The following RNF32 variants were observed in gnomAD, a reference collection of about 807,000 sequenced individuals.
RNF32 encodes ring finger protein 32.
Under a neutral mutation model 41.0 loss-of-function variants are expected in RNF32, and 36 were observed. The ratio of observed to expected loss-of-function variants is 0.88; its 90% CI spans 0.67 to 1.16. The LOEUF is 1.16. Ranked by LOEUF, RNF32 falls within the 50% of genes most tolerant of loss-of-function variation. The pLI is 0.00. For synonymous variants in RNF32, 154 were observed against 160.9 expected (o/e 0.96, Z 0.32); for missense variants, 413 against 436.7 (o/e 0.95, Z 0.48).
chr7:156,676,011 G>C, intron 8 of RNF32, 148 bp downstream of exon 8: 1 of 876,968 alleles, frequency 1.1e-6, no homozygotes, highest in East Asian at 2.6e-5. Context: ...CTGTGGGGGT[G>C]GCATGTCGGG....
chr7:156,648,807 A>G (rs982682889), intron 3 of RNF32, among the ~76,000 whole-genome samples: 2 of 152,196 alleles, frequency 1.3e-5, no homozygotes, highest in East Asian at 1.9e-4. Flanking sequence ...AATTATATCT[A>G]TTGTTTTATA....
chr7:156,659,334 GA>G (rs1294128689), intron 7 of RNF32: 27 of 988,354 alleles, frequency 2.7e-5, no homozygotes, highest in Non-Finnish European at 3.1e-5. Flanking sequence ...ATATGGAGAT[GA>G]GTTACTGTGT....
Position 156,675,860 on chromosome 7 carries a change from G to A in RNF32, c.849G>A (p.Val283=). ...ITEEEWEKIQ[V]QALRRETHEC... is the part of the protein sequence containing the mutation. Reference sequence around the variant, plus strand: ...AAGAGGAATGGGAGAAAATCCAAGTGCAGGTAGGTTTGGCTGGCAGCCTGG... The same window carrying A: ...AAGAGGAATGGGAGAAAATCCAAGTACAGGTAGGTTTGGCTGGCAGCCTGG... The change falls in exon 8 of 9, where the codon GTG becomes GTA. Residue 283 remains valine (V), a synonymous_variant. Coordinates refer to ENST00000317955, the MANE Select transcript of RNF32 (RefSeq NM_030936.4). 6.2e-7 allele frequency: 1 copy of A among 1,613,088 alleles called. No homozygotes were observed. The highest frequency in any genetic ancestry group is 8.5e-7 in the Non-Finnish European group (1 of 1,179,398).
rs895100152 is a variant in RNF32, at chr7:156,670,455, G to A, written c.685-5241G>A. Among the ~76,000 whole-genome samples the A allele has an allele frequency of 1.3e-5, 2 of 152,302 alleles. No individual in the cohort carries two copies. Among genetic ancestry groups the A allele is most frequent in the East Asian group, 1.9e-4 (1 of 5,186 alleles). On this transcript the variant is annotated intron_variant, in intron 7 of 8. Transcript: ENST00000317955. This position sits in a 1 kb window ranked among gnomAD's most constrained non-coding sequence, Gnocchi z 4.3. ...AGAATTTGAAGAGAAAAGAGAACAC[G>A]TGGGACAGAGGCAACAGCTTGAAGC...
At chr7:156,649,031 C>T (rs1273609164) in intron 3 of RNF32, among the ~76,000 whole-genome samples, 2 of 152,128 alleles carry the variant, frequency 1.3e-5, no homozygotes, top group Admixed American at 1.3e-4. Flanking sequence ...CTGGGAAAAT[C>T]GACGAGATTA....
chr7:156,642,675 G>A (rs1797509859), intron 1 of RNF32, among the ~76,000 whole-genome samples: 1 of 152,350 alleles, frequency 6.6e-6, no homozygotes, highest in Admixed American at 6.5e-5. Flanking sequence ...ACCAAGGCGG[G>A]CAACAGTCCT....
At chr7:156,642,398 G>A (rs1189109889) in intron 1 of RNF32, among the ~76,000 whole-genome samples, 2 of 152,178 alleles carry the variant, frequency 1.3e-5, no homozygotes, top group Non-Finnish European at 1.5e-5. Context: ...ATGAGTGACC[G>A]GGTTGTGGAG....
chr7:156,658,369 G>GC, intron 6 of RNF32, 93 bp from the exon 7 acceptor site: 1 of 1,524,934 alleles, frequency 6.6e-7, no homozygotes, highest in Non-Finnish European at 9.0e-7. Flanking sequence ...TTTCCCCAGG[G>GC]CCTTGTACAG....
At chr7:156,652,728 T>C (rs551262300) in intron 3 of RNF32, among the ~76,000 whole-genome samples, 5 of 151,914 alleles carry the variant, frequency 3.3e-5, no homozygotes, top group South Asian at 4.1e-4. Context: ...AAAAAGCTTA[T>C]AGAATAAGGA....
upstream of RNF32, chr7:156,640,209 G>A (rs1378384354): frequency 2.0e-5 from 9 of 453,528 alleles, no homozygotes; most frequent in Non-Finnish European, 3.1e-5. Context: ...GCGGCGCGGG[G>A]GGATCGGGGG....
chr7:156,643,687 A>G, intron 1 of RNF32, 114 bp from the exon 2 acceptor site: 1 of 619,026 alleles, frequency 1.6e-6, no homozygotes, highest in South Asian at 2.0e-5. Context: ...GCCACCCTGT[A>G]GCAGGCATTC....
intron 7 of RNF32, among the ~76,000 whole-genome samples, chr7:156,673,906 T>TAAAAAAAAAAA (rs3030984): frequency 9.9e-6 from 1 of 100,818 alleles, no homozygotes; most frequent in African/African-American, 4.2e-5. Context: ...TCCACATTAA[T>TAAAAAAAAAAA]AAAAAAAAAA....
intron 7 of RNF32, among the ~76,000 whole-genome samples, chr7:156,668,687 G>A (rs957736512): frequency 4.6e-5 from 7 of 152,314 alleles, no homozygotes; most frequent in South Asian, 2.1e-4. Flanking sequence ...GCTTTCCATC[G>A]TCAGCGGGGC....
intron 7 of RNF32, among the ~76,000 whole-genome samples, chr7:156,671,701 A>G (rs1802581152): frequency 6.6e-6 from 1 of 152,160 alleles, no homozygotes; most frequent in African/African-American, 2.4e-5. Context: ...CACAGTCCCC[A>G]ACAGTTAGTT....
chr7:156,658,803 T>G, intron 7 of RNF32: 1 of 1,135,620 alleles, frequency 8.8e-7, no homozygotes, highest in Non-Finnish European at 1.3e-6. Context: ...TTAGGTTAAA[T>G]CAAAGCAACT....
chr7:156,650,337 GGTCACAT>G (rs1798555738), intron 3 of RNF32, among the ~76,000 whole-genome samples: 1 of 152,134 alleles, frequency 6.6e-6, no homozygotes, highest in East Asian at 1.9e-4. Flanking sequence ...CACCTGAGAC[GGTCACAT>G]GCCCATTGAT....
intron 3 of RNF32, among the ~76,000 whole-genome samples, chr7:156,649,566 TATCTA>T (rs1204048312): frequency 6.6e-6 from 1 of 152,234 alleles, no homozygotes; most frequent in African/African-American, 2.4e-5. Context: ...TGTTGGCCTT[TATCTA>T]ATTATAAAAT....
In RNF32 at chr7:156,646,385, T is replaced by C. The variant is rs1224895181; in HGVS notation, c.274+1628T>C. On this transcript the variant is annotated intron_variant, in intron 3 of 8. Coordinates refer to ENST00000317955, the MANE Select transcript of RNF32 (RefSeq NM_030936.4). The stretch of plus-strand genomic sequence containing the variant: ...AGCTTGTGGCAGCGTCACTCCAATC[T>C]CTGCCTCTGACTTCACAAAACCTTC... 3 of 1,296,846 alleles carry C rather than the reference T, an allele frequency of 2.3e-6. No individual in the cohort carries two copies. The African/African-American group carries it at 4.6e-5, about 20-fold the overall frequency. 80.3% of individuals were successfully genotyped at this position (1,296,846 alleles called of 1,614,324 possible). A position where few individuals can be genotyped will look rare whatever the true frequency, so the allele number is the denominator to read the frequency against.
At chr7:156,645,997 C>T (rs1017313834) in intron 3 of RNF32, among the ~76,000 whole-genome samples, 5 of 152,144 alleles carry the variant, frequency 3.3e-5, no homozygotes, top group South Asian at 4.1e-4. Context: ...GCCTTACCTC[C>T]GTCATGGCTG....
Sources: gnomAD v4.1 joint callset for allele counts (sites outside exome capture counted in the v4.1 genomes callset) on GRCh38, gnomAD v4.1.1 for gene constraint, Gnocchi (gnomAD v3.1) non-coding constraint, MANE v1.5 for transcripts, NCBI Gene and HGNC (gene_info 2026-07-23, HGNC 2026-07-21) for gene names.